RUFY4: variants seen among roughly 807,000 people sequenced by gnomAD.
The protein encoded by RUFY4 is RUN and FYVE domain-containing protein 4.
RUFY4 carries 73 observed loss-of-function variants against 69.0 expected under a neutral mutation model. The ratio of observed to expected loss-of-function variants is 1.06; its 90% CI spans 0.88 to 1.29. The LOEUF is 1.29. RUFY4 is among the 50% of genes most tolerant of loss of function. The pLI is 0.00. For missense variants in RUFY4, 770 were observed against 705.6 expected (o/e 1.09, Z -1.03); for synonymous variants, 287 against 271.8 (o/e 1.06, Z -0.55).
At chr2:218,037,402 A>G (rs953279756) in intron 2 of RUFY4, among the ~76,000 whole-genome samples, 4 of 152,224 alleles carry the variant, frequency 2.6e-5, no homozygotes, top group African/African-American at 7.2e-5. Context: ...TTCTTCCGAA[A>G]CATAATTTTT....
chr2:218,068,086 G>T (rs1245468578), upstream of RUFY4, among the ~76,000 whole-genome samples: 1 of 134,272 alleles, frequency 7.4e-6, no homozygotes, highest in Admixed American at 7.7e-5. Context: ...CAGACCTGGA[G>T]GAGGGCAGGG....
rs1313806200 is a variant in RUFY4, at chr2:218,070,831, T to C, written c.125T>C (p.Leu42Pro). 4 of 1,536,818 alleles carry C rather than the reference T, an allele frequency of 2.6e-6. No individual in the cohort carries two copies. The South Asian group carries it at 4.8e-5, about 18-fold the overall frequency. Residue 42 changes from leucine to proline, a missense_variant, in exon 2 of 11, where the codon CTC (leucine) becomes CCC (proline). Coordinates refer to ENST00000344321, the Ensembl canonical transcript of RUFY4. ...GACACCAGTGCCGAGCTGCACAGAC[T>C]CTGTGGCTGCCTGGAGCTGCTGCTG... is the stretch of plus-strand genomic sequence containing the variant.
chr2:218,072,713 C>A, intron 3 of RUFY4, 66 bp from the exon 6 acceptor site: 2 of 1,351,972 alleles, frequency 1.5e-6, no homozygotes, highest in East Asian at 5.0e-5. Flanking sequence ...AGTCCCCTCT[C>A]TCTGTGTTAC....
chr2:218,064,557 G>A (rs557614164), upstream of RUFY4, among the ~76,000 whole-genome samples: 2 of 152,146 alleles, frequency 1.3e-5, no homozygotes, highest in African/African-American at 2.4e-5. Context: ...ACTGAGGTCC[G>A]GGGAGAGCTG....
chr2:218,078,468 G>C (rs969782798), intron 8 of RUFY4, among the ~76,000 whole-genome samples: 5 of 152,202 alleles, frequency 3.3e-5, no homozygotes, highest in Non-Finnish European at 5.9e-5. Context: ...AGTAGAGTGA[G>C]GGAGGGAGAG....
intron 8 of RUFY4, 80 bp from the exon 11 acceptor site, chr2:218,083,030 C>T (rs1221274745): frequency 3.5e-6 from 5 of 1,423,524 alleles, no homozygotes; most frequent in African/African-American, 6.0e-5. Flanking sequence ...TGGGCTCCCT[C>T]TCTGGAAGAG....
intron 2 of RUFY4, among the ~76,000 whole-genome samples, chr2:218,043,817 A>C (rs1474755563): frequency 1.3e-5 from 2 of 152,114 alleles, no homozygotes; most frequent in East Asian, 3.9e-4. Context: ...CCTGCCACCA[A>C]TCATGGCATC....
At chr2:218,051,676 G>T (rs1688947218) in intron 2 of RUFY4, among the ~76,000 whole-genome samples, 1 of 146,138 alleles carries the variant, frequency 6.8e-6, no homozygotes, top group African/African-American at 2.8e-5. Context: ...GGATGGTTTT[G>T]TAAAGGGAGT....
rs753975748 is a variant in RUFY4, at chr2:218,075,229, CT to C, written c.740del (p.Phe247SerfsTer29). ...AGGTCCCAGCAACAAAGGCATCTTC[CT>C]TTCTTTTTGGAAAAGAAGGGGGAAA... On this transcript the variant is annotated frameshift_variant, in exon 7 of 11. Transcript: ENST00000344321. LOFTEE classifies it high-confidence loss of function. The C allele has an allele frequency of 1.3e-6, 2 of 1,565,764 alleles. No individual in the cohort carries two copies. Among genetic ancestry groups the C allele is most frequent in the Non-Finnish European group, 1.7e-6 (2 of 1,155,166 alleles).
rs547276481 is a variant in RUFY4, at chr2:218,081,222, C to G, written c.1356-1888C>G. On this transcript the variant is annotated intron_variant, in intron 8 of 10. Coordinates refer to ENST00000344321, the Ensembl canonical transcript of RUFY4. ...CTCAGGTCCTGCCCACCTCCCCACT[C>G]TTCTCCTACCTTCCCTGCCCCCCAC... Among the ~76,000 whole-genome samples, 6 of 152,298 alleles carry G rather than the reference C, an allele frequency of 3.9e-5. 1 individual carries two copies. The South Asian group carries it at 6.2e-4, about 16-fold the overall frequency.
At chr2:218,083,253 T>C (rs756583058) in exon 9 of RUFY4, 5 of 1,600,528 alleles carry the variant, frequency 3.1e-6, no homozygotes, top group Non-Finnish European at 4.3e-6. Context: ...TTGGAACTGA[T>C]CCAGTAAGGA....
chr2:218,085,071 A>T (rs1356507452), intron 9 of RUFY4, among the ~76,000 whole-genome samples: 3 of 152,136 alleles, frequency 2.0e-5, no homozygotes, highest in Non-Finnish European at 2.9e-5. Context: ...AAGAAAGAAA[A>T]TTACGTGGAA....
chr2:218,056,427 T>G (rs530270621), intron 2 of RUFY4, among the ~76,000 whole-genome samples: 1 of 152,204 alleles, frequency 6.6e-6, no homozygotes, highest in East Asian at 1.9e-4. Flanking sequence ...TTCCCCCACT[T>G]CTGGTCTCTC....
chr2:218,067,443 C>A (rs1689367241), upstream of RUFY4, among the ~76,000 whole-genome samples: 1 of 152,232 alleles, frequency 6.6e-6, no homozygotes, highest in East Asian at 1.9e-4. Context: ...AGATGTTTAT[C>A]CACCCCAAGA....
At chr2:218,060,606 C>A in intron 3 of RUFY4, 1 of 1,345,660 alleles carries the variant, frequency 7.4e-7, no homozygotes. Flanking sequence ...GGGTGTCTGC[C>A]AGCAGGACCA....
exon 8 of RUFY4, chr2:218,076,464 C>A: frequency 6.5e-7 from 1 of 1,550,178 alleles, no homozygotes; most frequent in Non-Finnish European, 8.7e-7. Flanking sequence ...GAGGAGCAGG[C>A]CCAGCGCCAG....
intron 2 of RUFY4, among the ~76,000 whole-genome samples, chr2:218,071,935 C>T (rs995211896): frequency 1.3e-5 from 2 of 152,326 alleles, no homozygotes; most frequent in Admixed American, 6.5e-5. Flanking sequence ...AAAGAACACA[C>T]ATTTTCCATT....
upstream of RUFY4, among the ~76,000 whole-genome samples, chr2:218,065,071 C>G (rs1435236439): frequency 6.6e-6 from 1 of 152,186 alleles, no homozygotes; most frequent in Admixed American, 6.5e-5. Flanking sequence ...GATTCTCCAG[C>G]CTGGGAACGG....
At chr2:218,066,394 C>T (rs182206884), upstream of RUFY4, among the ~76,000 whole-genome samples, 26 of 151,954 alleles carry the variant, frequency 1.7e-4, no homozygotes, top group African/African-American at 6.3e-4. Context: ...ATGTTGGTCT[C>T]GAATTCCTGA....
Sources: allele counts gnomAD v4.1 joint callset (sites outside exome capture counted in the v4.1 genomes callset), GRCh38; gene constraint gnomAD v4.1.1; transcripts MANE v1.5; gene names NCBI Gene and HGNC (gene_info 2026-07-23, HGNC 2026-07-21).